TRPM2: variants seen among roughly 807,000 people sequenced by gnomAD.
TRPM2 encodes the protein transient receptor potential cation channel subfamily M member 2, also known as estrogen-responsive element-associated gene 1 protein.
A neutral mutation model predicts 174.0 loss-of-function variants in TRPM2; 161 were observed. That is an observed-to-expected ratio of 0.93 (90% confidence interval 0.81 to 1.05). TRPM2 has a LOEUF of 1.05. Among genes scored for constraint, TRPM2 ranks in the 50% least tolerant of loss-of-function variants. The pLI, the probability that TRPM2 is intolerant of heterozygous loss-of-function variation, is 0.00. For missense variants in TRPM2, 2,057 were observed against 2,038.0 expected (o/e 1.01, Z -0.18); for synonymous variants, 954 against 861.3 (o/e 1.11, Z -1.88).
chr21:44,438,635 C>T lies in TRPM2; in HGVS notation c.4168-432C>T, dbSNP rs139795480. ...GGGAGCGTCTGGGAGCCCAGCCAGC[C>T]GCAGCACAGGCCGGGGTGGGACTGG... is the stretch of plus-strand genomic sequence containing the variant. On this transcript the variant is annotated intron_variant, in intron 29 of 31. Coordinates refer to ENST00000397928, the MANE Select transcript of TRPM2 (RefSeq NM_003307.4). The surrounding 1 kb of genome is among the most constrained non-coding windows in gnomAD (Gnocchi z 5.9). Among the ~76,000 whole-genome samples the T allele has an allele frequency of 6.6e-6, 1 of 152,176 alleles. No individual in the cohort carries two copies. The highest frequency in any genetic ancestry group is 1.9e-4 in the East Asian group (1 of 5,174).
chr21:44,403,963 TAC>T (rs56651556), intron 16 of TRPM2, among the ~76,000 whole-genome samples: 3 of 150,780 alleles, frequency 2.0e-5, no homozygotes, highest in Non-Finnish European at 3.0e-5. Context: ...CACACATACA[TAC>T]ACACATGCAC....
In TRPM2 at chr21:44,362,913, A is replaced by G. The variant is rs112148846; in HGVS notation, c.255-1201A>G. On this transcript the variant is annotated intron_variant, in intron 2 of 31. Transcript: ENST00000397928. ...CTCAGCGTCCCGAGTGGCTGGGGTT[A>G]CAGGCTGCTGCCACCATGCCCAGCT... 6.6e-3 allele frequency among the ~76,000 whole-genome samples: 1,003 copies of G among 152,212 alleles called. 5 individuals carry two copies. Among genetic ancestry groups the G allele is most frequent in the Non-Finnish European group, 0.011 (758 of 68,016 alleles).
chr21:44,379,262 T>A, intron 8 of TRPM2, 65 bp downstream of exon 8: 1 of 1,570,202 alleles, frequency 6.4e-7, no homozygotes, highest in Non-Finnish European at 8.7e-7. Flanking sequence ...GTCAGCCTGG[T>A]GGGCAGGACC....
chr21:44,439,726 A>T lies in TRPM2; in HGVS notation c.4269+558A>T, dbSNP rs1178583239. Reference sequence around the variant, plus strand: ...ACAAATGCATGCACACTTTTTTTTTAATTTTTATTTTTGGAAACAAGGTCT... The same window carrying T: ...ACAAATGCATGCACACTTTTTTTTTTATTTTTATTTTTGGAAACAAGGTCT... On this transcript the variant is annotated intron_variant, in intron 30 of 31. Transcript: ENST00000397928. This position sits in a 1 kb window ranked among gnomAD's most constrained non-coding sequence, Gnocchi z 5.1. Among the ~76,000 whole-genome samples, 7 of 151,674 alleles carry T rather than the reference A, an allele frequency of 4.6e-5. No individual in the cohort carries two copies. The highest frequency in any genetic ancestry group is 2.1e-4 in the South Asian group (1 of 4,798).
Position 44,401,857 on chromosome 21 carries a change from A to G in TRPM2, c.2498A>G (p.Tyr833Cys), listed in dbSNP as rs1273457290. 1.9e-6 allele frequency: 3 copies of G among 1,613,428 alleles called. No individual in the cohort carries two copies. The South Asian group carries it at 3.3e-5, about 18-fold the overall frequency. Residue 833 changes from tyrosine to cysteine, a missense_variant, in exon 16 of 32, where the codon TAC becomes TGC. By Grantham distance (194) the Tyr-to-Cys change is radical. Coordinates refer to ENST00000397928, the MANE Select transcript of TRPM2 (RefSeq NM_003307.4). ...PVPSWCECAIYLWLFSLVCEE... is the reference protein window; with the variant it reads ...PVPSWCECAICLWLFSLVCEE... ...CCCTCCTGGTGCGAGTGTGCCATCT[A>G]CCTCTGGCTCTTCTCCTTGGTGTGC...
At position 44,395,538 on chromosome 21, in the gene TRPM2, T is replaced by G. The variant is rs984232855; in HGVS notation, c.1919T>G (p.Ile640Ser). 36 of 1,612,812 alleles carry G rather than the reference T, an allele frequency of 2.2e-5. No homozygotes were observed. The highest frequency in any genetic ancestry group is 3.1e-5 in the Non-Finnish European group (36 of 1,179,946). Residue 640 changes from isoleucine to serine, a missense_variant, in exon 12 of 32, where the codon ATC becomes AGC. Ile to Ser is a moderately radical substitution (Grantham distance 142, BLOSUM62 -2). Transcript: ENST00000397928. Reference protein sequence around the residue: ...IVQNRRELAGIIWAQSQDCIA... With the variant: ...IVQNRRELAGSIWAQSQDCIA... ...CAGAACCGTCGGGAGCTGGCAGGAATCATCTGGGCTCAGGTAATAAGACTG... is the reference window on the plus strand; with the variant it reads ...CAGAACCGTCGGGAGCTGGCAGGAAGCATCTGGGCTCAGGTAATAAGACTG...
intron 22 of TRPM2, chr21:44,422,439 G>A: frequency 1.3e-6 from 2 of 1,535,490 alleles, no homozygotes; most frequent in Middle Eastern, 1.7e-4. Context: ...AGCGGCTTTT[G>A]TGGGATTAAG....
At chr21:44,379,578 C>G (rs2048814427) in intron 8 of TRPM2, among the ~76,000 whole-genome samples, 2 of 152,240 alleles carry the variant, frequency 1.3e-5, no homozygotes, top group African/African-American at 4.8e-5. Flanking sequence ...GTCGCAGGGT[C>G]CAGTCCAGAT....
At chr21:44,388,512 C>G (rs554330668) in intron 9 of TRPM2, among the ~76,000 whole-genome samples, 1 of 152,036 alleles carries the variant, frequency 6.6e-6, no homozygotes, top group Non-Finnish European at 1.5e-5. Context: ...TATGAATATA[C>G]TTAAGACCAG....
At position 44,369,282 on chromosome 21, in the gene TRPM2, TCACCATCGGAGTCGC is replaced by T. The variant is rs779606194; in HGVS notation, c.715_729del (p.Ile239_Thr243del). The T allele has an allele frequency of 6.2e-7, 1 of 1,613,754 alleles. No individual in the cohort carries two copies. The highest frequency in any genetic ancestry group is 1.1e-5 in the South Asian group (1 of 91,068). ...AGCAGCTACAAGGAAGGCGAGCTCA[TCACCATCGGAGTCGC>T]CACCTGGGGCACTGTCCACCGCCGC... On this transcript the variant is annotated inframe_deletion, in exon 5 of 32. Transcript: ENST00000397928.
rs776392615 is a variant in TRPM2, at chr21:44,427,122, C to T, written c.3974+11C>T. 4.5e-6 allele frequency: 7 copies of T among 1,564,560 alleles called. No homozygotes were observed. The African/African-American group carries it at 9.5e-5, about 21-fold the overall frequency. ...GGCCGGGTTGCCCCTGTGAGTGTGC[C>T]CCCTGCGGGCCCCGCCCCGTCAGCC... On this transcript the variant is annotated intron_variant, in intron 27 of 31. Transcript: ENST00000397928.
In TRPM2 at chr21:44,427,125, C is replaced by T. The variant is rs774879304; in HGVS notation, c.3974+14C>T. ...CGGGTTGCCCCTGTGAGTGTGCCCC[C>T]TGCGGGCCCCGCCCCGTCAGCCTTT... is the stretch of plus-strand genomic sequence containing the variant. On this transcript the variant is annotated intron_variant, in intron 27 of 31. Transcript: ENST00000397928. 4 of 1,564,646 alleles carry T rather than the reference C, an allele frequency of 2.6e-6. No individual in the cohort carries two copies. The highest frequency in any genetic ancestry group is 3.5e-6 in the Non-Finnish European group (4 of 1,153,844).
chr21:44,381,022 G>C (rs1320726915), intron 8 of TRPM2, among the ~76,000 whole-genome samples: 1 of 152,162 alleles, frequency 6.6e-6, no homozygotes, highest in Non-Finnish European at 1.5e-5. Context: ...ACCTTTGGCT[G>C]CTGGATGAGG....
chr21:44,375,223 A>T (rs2048663864), intron 5 of TRPM2, among the ~76,000 whole-genome samples: 1 of 152,138 alleles, frequency 6.6e-6, no homozygotes, highest in South Asian at 2.1e-4. Flanking sequence ...CAAGGCCTTT[A>T]ATACCACATT....
chr21:44,399,553 C>T lies in TRPM2; in HGVS notation c.2208+112C>T. ...ACACTCACACAGGCTTCAGGGCCCT[C>T]AGCAGCTCGGGGACAGCGCCTGACC... On this transcript the variant is annotated intron_variant, in intron 14 of 31. Coordinates refer to ENST00000397928, the MANE Select transcript of TRPM2 (RefSeq NM_003307.4). The surrounding 1 kb of genome is among the most constrained non-coding windows in gnomAD (Gnocchi z 4.6). 1 of 1,413,190 alleles carries T rather than the reference C, an allele frequency of 7.1e-7. No individual in the cohort carries two copies. Among genetic ancestry groups the T allele is most frequent in the Non-Finnish European group, 9.3e-7 (1 of 1,070,720 alleles). 87.5% of individuals were successfully genotyped at this position (1,413,190 alleles called of 1,614,324 possible).
rs1376707780 is a variant in TRPM2, at chr21:44,391,630, G to A, written c.1794+5G>A. On this transcript the variant is annotated splice_donor_5th_base_variant and intron_variant, in intron 11 of 31. Transcript: ENST00000397928. The surrounding 1 kb of genome is among the most constrained non-coding windows in gnomAD (Gnocchi z 5.0). Reference sequence around the variant, plus strand: ...GTTCCCCACGTCAAGCTCAACGTGCGTGCTGGTAACGGGGCCCATCCTGGA... The same window carrying A: ...GTTCCCCACGTCAAGCTCAACGTGCATGCTGGTAACGGGGCCCATCCTGGA... 1.3e-6 allele frequency: 2 copies of A among 1,565,940 alleles called. No individual in the cohort carries two copies. Among genetic ancestry groups the A allele is most frequent in the Admixed American group, 1.8e-5 (1 of 56,504 alleles).
rs543984554 is a variant in TRPM2 at position 44,426,511 on chromosome 21, C to T, written c.3796-149C>T. ...CCAGCCCCCAGCTCTGCCTGGCACC[C>T]GGATCTGCCCAGCTTGGAGCTTCTG... On this transcript the variant is annotated intron_variant, in intron 25 of 31. Coordinates refer to ENST00000397928, the MANE Select transcript of TRPM2 (RefSeq NM_003307.4). The T allele has an allele frequency of 7.2e-4, 598 of 825,434 alleles. No individual in the cohort carries two copies. The Middle Eastern group carries it at 8.5e-3, about 12-fold the overall frequency. The allele number at this position is 825,434 out of a possible 1,614,324, so 51.1% of individuals were successfully genotyped here.
chr21:44,387,851 A>G (rs1373334402), intron 9 of TRPM2, among the ~76,000 whole-genome samples: 1 of 152,262 alleles, frequency 6.6e-6, no homozygotes, highest in Non-Finnish European at 1.5e-5. Flanking sequence ...ATATCATTTC[A>G]AACACATTAG....
chr21:44,400,750 C>T (rs897548834), intron 15 of TRPM2, among the ~76,000 whole-genome samples: 14 of 32,752 alleles, frequency 4.3e-4, no homozygotes, highest in South Asian at 8.9e-4. Context: ...GGCTGAGTGC[C>T]TCCCTGTCCT....
Sources: allele counts gnomAD v4.1 joint callset (sites outside exome capture counted in the v4.1 genomes callset), GRCh38; gene constraint gnomAD v4.1.1; non-coding constraint Gnocchi (gnomAD v3.1); transcripts MANE v1.5; gene names NCBI Gene and HGNC (gene_info 2026-07-23, HGNC 2026-07-21).